AUTS2: variants seen among roughly 807,000 people sequenced by gnomAD.
AUTS2 encodes the protein activator of transcription and developmental regulator AUTS2.
In AUTS2, 17 loss-of-function variants were observed where a neutral mutation model predicts 112.4. The ratio of observed to expected loss-of-function variants is 0.15; its 90% CI spans 0.10 to 0.23. AUTS2 has a LOEUF of 0.23. AUTS2 is among the 10% of genes least tolerant of loss of function. AUTS2 has a pLI of 1.00. For synonymous variants in AUTS2, 751 were observed against 702.7 expected, an observed-to-expected ratio of 1.07 and a Z score of -1.09; for missense variants, 1,510 against 1,701.6, an observed-to-expected ratio of 0.89 and a Z score of 1.98.
At chr7:69,901,318 C>T (rs1470592505) in intron 2 of AUTS2, among the ~76,000 whole-genome samples, 1 of 151,778 alleles carries the variant, frequency 6.6e-6, no homozygotes, top group East Asian at 1.9e-4. Flanking sequence ...AAGAAGGAAG[C>T]CTTCTTACTC....
chr7:70,131,062 T>A (rs555160853), intron 3 of AUTS2, among the ~76,000 whole-genome samples: 1 of 152,178 alleles, frequency 6.6e-6, no homozygotes, highest in African/African-American at 2.4e-5. Context: ...CTCACAGCCT[T>A]TTCAGTATTC....
intron 6 of AUTS2, among the ~76,000 whole-genome samples, chr7:70,711,175 TCTTTC>T (rs775686037): frequency 5.8e-4 from 89 of 152,300 alleles, no homozygotes; most frequent in Admixed American, 1.2e-3. Context: ...ATTTGTGCCT[TCTTTC>T]CTTCTCAGGG....
At position 70,163,353 on chromosome 7, in the gene AUTS2, G is replaced by C. The variant is rs1440932858; in HGVS notation, c.660+28782G>C. On this transcript the variant is annotated intron_variant, in intron 4 of 18. Transcript: ENST00000342771. ...TGTTAGGTTGTGGTGGTGGGGGGGG[G>C]GGGGGCAGAGGGGGAGGGAGAAGGA... 6.4e-5 allele frequency among the ~76,000 whole-genome samples: 6 copies of C among 93,542 alleles called. 2 individuals carry two copies. Among genetic ancestry groups the C allele is most frequent in the African/African-American group, 2.0e-4 (6 of 29,340 alleles). 61.4% of individuals were successfully genotyped at this position (93,542 alleles called of 152,430 possible).
intron 1 of AUTS2, among the ~76,000 whole-genome samples, chr7:69,854,962 A>G (rs544202239): frequency 1.3e-5 from 2 of 152,294 alleles, no homozygotes; most frequent in East Asian, 3.9e-4. Context: ...AGATATTGAT[A>G]CTTCTAAAGT....
intron 1 of AUTS2, among the ~76,000 whole-genome samples, chr7:69,681,408 C>G (rs969712382): frequency 1.2e-4 from 18 of 152,324 alleles, no homozygotes; most frequent in Non-Finnish European, 2.6e-4. Flanking sequence ...TAAACAGCCC[C>G]TTCCAGACTG....
At position 69,733,234 on chromosome 7, in the gene AUTS2, G is replaced by A. The variant is rs974151235; in HGVS notation, c.309+133272G>A. ...AGTGGCTGGGACCCAGGAACCTTTG[G>A]TATTCACCTGTTTAGTCAGTGGGGG... On this transcript the variant is annotated intron_variant, in intron 1 of 18. Transcript: ENST00000342771. Among the ~76,000 whole-genome samples the A allele has an allele frequency of 5.3e-5, 8 of 152,274 alleles. No individual in the cohort carries two copies. The East Asian group carries it at 1.4e-3, about 26-fold the overall frequency.
chr7:70,191,694 G>A (rs1562777222), intron 4 of AUTS2, among the ~76,000 whole-genome samples: 1 of 152,116 alleles, frequency 6.6e-6, no homozygotes, highest in Admixed American at 6.5e-5. Context: ...GTCCCCATGT[G>A]AATAAATGCA....
chr7:70,155,854 G>A (rs1056410865), intron 4 of AUTS2, among the ~76,000 whole-genome samples: 2 of 152,168 alleles, frequency 1.3e-5, no homozygotes, highest in African/African-American at 4.8e-5. Context: ...GTGAGTTCAT[G>A]TGTAGAAGAA....
At chr7:70,339,360 T>C (rs1473248264) in intron 4 of AUTS2, among the ~76,000 whole-genome samples, 6 of 152,202 alleles carry the variant, frequency 3.9e-5, no homozygotes, top group Non-Finnish European at 8.8e-5. Context: ...TATTGGGTAT[T>C]GCCATCAAAT....
At chr7:69,902,323 A>G (rs1052892293) in intron 2 of AUTS2, among the ~76,000 whole-genome samples, 14 of 152,258 alleles carry the variant, frequency 9.2e-5, no homozygotes, top group African/African-American at 3.4e-4. Context: ...AAATATCACA[A>G]TTACTTTATC....
In AUTS2 at chr7:70,791,145, A is replaced by G; in HGVS notation, c.*149A>G. 1.3e-6 allele frequency: 1 copy of G among 751,310 alleles called. No homozygotes were observed. The highest frequency in any genetic ancestry group is 5.3e-5 in the South Asian group (1 of 18,696). 46.5% of individuals were successfully genotyped at this position (751,310 alleles called of 1,614,324 possible). A position where few individuals can be genotyped will look rare whatever the true frequency, so the allele number is the denominator to read the frequency against. On this transcript the variant is annotated 3_prime_UTR_variant, in exon 19 of 19. Transcript: ENST00000342771. ...TAAAAAATGTATAGACTCAGTGCAC[A>G]TTTTGAAATGTTTTGTATATTATAT...
At chr7:70,117,104 G>GTTT (rs61076536) in intron 2 of AUTS2, among the ~76,000 whole-genome samples, 28 of 78,424 alleles carry the variant, frequency 3.6e-4, no homozygotes, top group African/African-American at 1.2e-3. Flanking sequence ...GATGACTTTT[G>GTTT]TTTTTTTTTT....
chr7:70,620,762 C>T (rs1804629962), intron 5 of AUTS2, among the ~76,000 whole-genome samples: 1 of 152,184 alleles, frequency 6.6e-6, no homozygotes, highest in South Asian at 2.1e-4. Flanking sequence ...CACTGGGCTC[C>T]ATTTCTCCCT....
chr7:70,310,076 C>T (rs1789665749), intron 4 of AUTS2, among the ~76,000 whole-genome samples: 1 of 151,500 alleles, frequency 6.6e-6, no homozygotes, highest in Admixed American at 6.6e-5. Context: ...TGATGGTTTA[C>T]TAACTGGTTA....
chr7:69,623,269 C>T (rs976826303), intron 1 of AUTS2, among the ~76,000 whole-genome samples: 1 of 151,866 alleles, frequency 6.6e-6, no homozygotes, highest in Non-Finnish European at 1.5e-5. Context: ...GTCACCCAGG[C>T]TGGAATGTAG....
Position 70,110,859 on chromosome 7 carries a change from C to CTTTTTT in AUTS2, c.523-7253_523-7248dup, listed in dbSNP as rs71077618. Among the ~76,000 whole-genome samples the CTTTTTT allele has an allele frequency of 1.8e-3, 146 of 82,764 alleles. 1 individual carries two copies. The highest frequency in any genetic ancestry group is 2.0e-3 in the African/African-American group (38 of 19,094). 54.3% of individuals were successfully genotyped at this position (82,764 alleles called of 152,430 possible). On this transcript the variant is annotated intron_variant, in intron 2 of 18. Transcript: ENST00000342771. The stretch of plus-strand genomic sequence containing the variant: ...AGGGAATACCTAACTTTCTTTCTTT[C>CTTTTTT]TTTTTTTTTTTTTTTTTTTTTTTTT...
At chr7:70,757,947 A>G (rs141229786) in intron 6 of AUTS2, among the ~76,000 whole-genome samples, 339 of 148,440 alleles carry the variant, frequency 2.3e-3, no homozygotes, top group African/African-American at 8.3e-3. Flanking sequence ...ACACCTGGCT[A>G]ATTTTTGTAT....
At chr7:70,196,924 G>T (rs1288447105) in intron 4 of AUTS2, among the ~76,000 whole-genome samples, 1 of 152,186 alleles carries the variant, frequency 6.6e-6, no homozygotes, top group African/African-American at 2.4e-5. Context: ...GTTTTGAGCG[G>T]TTGTCTTCTT....
At chr7:70,638,472 G>A (rs1805638231) in intron 5 of AUTS2, among the ~76,000 whole-genome samples, 1 of 152,150 alleles carries the variant, frequency 6.6e-6, no homozygotes, top group Non-Finnish European at 1.5e-5. Flanking sequence ...TCAAGTCAGA[G>A]AATTTTCTGC....
Sources: allele counts gnomAD v4.1 joint callset (sites outside exome capture counted in the v4.1 genomes callset), GRCh38; gene constraint gnomAD v4.1.1; transcripts MANE v1.5; gene names NCBI Gene and HGNC (gene_info 2026-07-23, HGNC 2026-07-21).